ELK4: variants seen among roughly 807,000 people sequenced by gnomAD.
The protein encoded by ELK4 is ETS transcription factor ELK4, also known as ETS domain-containing protein Elk-4.
ELK4 carries 16 observed loss-of-function variants against 29.6 expected under a neutral mutation model. The ratio of observed to expected loss-of-function variants is 0.54; its 90% confidence interval spans 0.37 to 0.82. ELK4 has a LOEUF of 0.82. ELK4 is among the 40% of genes least tolerant of loss of function. The pLI, the probability that ELK4 is intolerant of heterozygous loss-of-function variation, is 0.00. For missense variants in ELK4, 465 were observed against 507.1 expected (o/e 0.92, Z 0.80); for synonymous variants, 213 against 191.1 (o/e 1.11, Z -0.95).
rs1192806101 is a variant in ELK4 at position 205,616,129 on chromosome 1, A to T, written c.*417T>A. On this transcript the variant is annotated 3_prime_UTR_variant, in exon 5 of 5. Coordinates refer to ENST00000357992, the MANE Select transcript of ELK4 (RefSeq NM_001973.4). ...CAATTCATTTCACAAATATTTCTTT[A>T]AATAATAGATTCTAAGCATAATTTT... The T allele has an allele frequency of 4.2e-6, 1 of 240,334 alleles. No individual in the cohort carries two copies. Among genetic ancestry groups the T allele is most frequent in the Non-Finnish European group, 8.3e-6 (1 of 121,124 alleles). 14.9% of individuals were successfully genotyped at this position (240,334 alleles called of 1,614,324 possible).
rs1295093450 is a variant in ELK4 at position 205,611,065 on chromosome 1, AAGCTTAGAGCC to A, written c.*5470_*5480del. 3 of 217,698 alleles carry A rather than the reference AAGCTTAGAGCC, an allele frequency of 1.4e-5. No homozygotes were observed. Among genetic ancestry groups the A allele is most frequent in the Non-Finnish European group, 2.8e-5 (3 of 108,324 alleles). 13.5% of individuals were successfully genotyped at this position (217,698 alleles called of 1,614,324 possible). A position where few individuals can be genotyped will look rare whatever the true frequency, so the allele number is the denominator to read the frequency against. On this transcript the variant is annotated 3_prime_UTR_variant, in exon 5 of 5. Coordinates refer to ENST00000357992, the MANE Select transcript of ELK4 (RefSeq NM_001973.4). ...GCATGAATTTCCTGTTTTCTGTAGA[AAGCTTAGAGCC>A]AGTATTTCCCCTCTCATACAAACCA... is the stretch of plus-strand genomic sequence containing the variant.
At position 205,623,710 on chromosome 1, in the gene ELK4, T is replaced by C; in HGVS notation, c.173A>G (p.Lys58Arg). 1 of 1,614,132 alleles carries C rather than the reference T, an allele frequency of 6.2e-7. No homozygotes were observed. Among genetic ancestry groups the C allele is most frequent in the Non-Finnish European group, 8.5e-7 (1 of 1,180,006 alleles). ...ATAGTATCTGAGGGCTCGGCTGAGT[T>C]TGTCATAATTCATGTTAGGCTTGTT... ...RKNKPNMNYD[K>R]LSRALRYYYV... The change falls in exon 2 of 5, where the codon AAA becomes AGA. Residue 58 changes from lysine to arginine, a missense_variant. Around this residue, in one of 2 missense-constraint regions of ELK4, gnomAD observed 385 missense variants for 387.5 expected, o/e 0.99. Coordinates refer to ENST00000357992, the MANE Select transcript of ELK4 (RefSeq NM_001973.4).
rs750794895 is a variant in ELK4 at position 205,619,068 on chromosome 1, G to A, written c.1086C>T (p.Pro362=). 7.6e-6 allele frequency: 12 copies of A among 1,584,844 alleles called. No individual in the cohort carries two copies. Among genetic ancestry groups the A allele is most frequent in the Admixed American group, 1.9e-5 (1 of 52,990 alleles). The change falls in exon 4 of 5, where the codon CCC becomes CCT. Residue 362 remains proline, a synonymous_variant. Transcript: ENST00000357992. ...GCAAGGGGCTTGGAGTCAGTATGAT[G>A]GGTGTCTGCAATACACAAAGCAAAA... is the stretch of plus-strand genomic sequence containing the variant. ...SLTPAFFSQT[P]IILTPSPLLS...
chr1:205,622,080 G>C (rs1385340703), intron 2 of ELK4, among the ~76,000 whole-genome samples: 2 of 151,984 alleles, frequency 1.3e-5, no homozygotes, highest in Non-Finnish European at 2.9e-5. Context: ...CAGGTGTGGT[G>C]GTGCATGTCT....
At chr1:205,617,988 A>T (rs1049457585) in intron 4 of ELK4, among the ~76,000 whole-genome samples, 3 of 120,764 alleles carry the variant, frequency 2.5e-5, no homozygotes, top group African/African-American at 6.0e-5. Context: ...TGTGTGTGAG[A>T]GAGAGAGAGA....
intron 1 of ELK4, among the ~76,000 whole-genome samples, chr1:205,631,197 T>C (rs910880704): frequency 6.6e-6 from 1 of 152,048 alleles, no homozygotes; most frequent in Non-Finnish European, 1.5e-5. Flanking sequence ...ACTAGCGAGC[T>C]AGGGGAGAGG....
Position 205,620,729 on chromosome 1 carries a change from TCA to T in ELK4, c.315_316del (p.Cys105Ter), listed in dbSNP as rs1227223028. 6.2e-7 allele frequency: 1 copy of T among 1,614,120 alleles called. No individual in the cohort carries two copies. The highest frequency in any genetic ancestry group is 1.1e-5 in the South Asian group (1 of 91,076). Reference sequence around the variant, plus strand: ...GCTGACTTCACTGAAGTTTAAACTTTCACAGTCACCCTCAATCCTGCCCACTG... The same window carrying T: ...GCTGACTTCACTGAAGTTTAAACTTTCAGTCACCCTCAATCCTGCCCACTG... On this transcript the variant is annotated stop_gained and frameshift_variant, in exon 3 of 5. Transcript: ENST00000357992. LOFTEE classifies it high-confidence loss of function.
rs538828632 is a variant in ELK4 at position 205,619,463 on chromosome 1, C to A, written c.1081-390G>T. 19 of 1,066,158 alleles carry A rather than the reference C, an allele frequency of 1.8e-5. No individual in the cohort carries two copies. In the South Asian group the frequency reaches 7.1e-4, roughly 40 times the overall value. 66.0% of individuals were successfully genotyped at this position (1,066,158 alleles called of 1,614,324 possible). ...AGAGGAATAATGGGTAACCAAGACACCAGCATGTTTGTTTTTTTTTAATAA... is the reference window on the plus strand; with the variant it reads ...AGAGGAATAATGGGTAACCAAGACAACAGCATGTTTGTTTTTTTTTAATAA... On this transcript the variant is annotated intron_variant, in intron 3 of 4. Coordinates refer to ENST00000357992, the MANE Select transcript of ELK4 (RefSeq NM_001973.4).
chr1:205,621,848 G>C (rs1043200522), intron 2 of ELK4, among the ~76,000 whole-genome samples: 1 of 151,622 alleles, frequency 6.6e-6, no homozygotes, highest in African/African-American at 2.4e-5. Flanking sequence ...CATAGTATCT[G>C]TTAAGGTTCT....
chr1:205,622,410 C>T (rs1397400027), intron 2 of ELK4, among the ~76,000 whole-genome samples: 1 of 152,102 alleles, frequency 6.6e-6, no homozygotes, highest in African/African-American at 2.4e-5. Context: ...ACATATATGA[C>T]TTTTCTCCCC....
At chr1:205,629,624 G>C (rs998640904) in intron 1 of ELK4, among the ~76,000 whole-genome samples, 2 of 152,128 alleles carry the variant, frequency 1.3e-5, no homozygotes, top group Non-Finnish European at 2.9e-5. Flanking sequence ...GGCTGAGGCA[G>C]AAGAATCATT....
chr1:205,620,520 C>A lies in ELK4; in HGVS notation c.526G>T (p.Ala176Ser), dbSNP rs765568892. The change falls in exon 3 of 5, where the codon GCA becomes TCA. Residue 176 changes from alanine (A) to serine (S), a missense_variant. Physicochemically the swap from Ala to Ser is moderately conservative, Grantham distance 99 (BLOSUM62 1). Coordinates refer to ENST00000357992, the MANE Select transcript of ELK4 (RefSeq NM_001973.4). ...GGCTCCTGAGGAGATTTTTTCTCTG[C>A]CAGTTTCTCGGCTGGATTCTCAGTC... ...IKTENPAEKLAEKKSPQEPTP... is the reference protein window; with the variant it reads ...IKTENPAEKLSEKKSPQEPTP... 4 of 1,613,914 alleles carry A rather than the reference C, an allele frequency of 2.5e-6. No individual in the cohort carries two copies. The highest frequency in any genetic ancestry group is 3.3e-5 in the Admixed American group (2 of 59,990).
In ELK4 at chr1:205,609,737, T is replaced by C. The variant is rs113061768; in HGVS notation, c.*6809A>G. 451 of 208,802 alleles carry C rather than the reference T, an allele frequency of 2.2e-3. 1 individual carries two copies. Among genetic ancestry groups the C allele is most frequent in the African/African-American group, 9.8e-3 (431 of 44,130 alleles). The allele number at this position is 208,802 out of a possible 1,614,324, so 12.9% of individuals were successfully genotyped here. A position where few individuals can be genotyped will look rare whatever the true frequency, so the allele number is the denominator to read the frequency against. ...AAAAGAAACTTAAAATTGGATACTT[T>C]ATAAATTTAAGTGTAATCTATCAAT... is the stretch of plus-strand genomic sequence containing the variant. On this transcript the variant is annotated 3_prime_UTR_variant, in exon 5 of 5. Transcript: ENST00000357992.
chr1:205,621,930 A>T (rs1670360301), intron 2 of ELK4, among the ~76,000 whole-genome samples: 1 of 150,804 alleles, frequency 6.6e-6, no homozygotes, highest in Non-Finnish European at 1.5e-5. Context: ...ATGGTGAAAG[A>T]GCCCTGCACA....
chr1:205,619,532 A>T (rs142151444), intron 3 of ELK4: 2 of 1,118,392 alleles, frequency 1.8e-6, no homozygotes, highest in South Asian at 8.1e-5. Flanking sequence ...TGAGATGAGC[A>T]AGTTAATAAA....
chr1:205,619,425 T>C lies in ELK4; in HGVS notation c.1081-352A>G, dbSNP rs1036519795. The C allele has an allele frequency of 3.8e-6, 4 of 1,057,170 alleles. No individual in the cohort carries two copies. In the African/African-American group the frequency reaches 6.6e-5, roughly 18 times the overall value. 65.5% of individuals were successfully genotyped at this position (1,057,170 alleles called of 1,614,324 possible). A position where few individuals can be genotyped will look rare whatever the true frequency, so the allele number is the denominator to read the frequency against. The stretch of plus-strand genomic sequence containing the variant: ...TCTTTTCCAAATAGAAAAACCAACC[T>C]GAATTCAGGTACAGAGGAATAATGG... On this transcript the variant is annotated intron_variant, in intron 3 of 4. Coordinates refer to ENST00000357992, the MANE Select transcript of ELK4 (RefSeq NM_001973.4).
Position 205,611,331 on chromosome 1 carries a change from G to C in ELK4, c.*5215C>G. On this transcript the variant is annotated 3_prime_UTR_variant, in exon 5 of 5. Coordinates refer to ENST00000357992, the MANE Select transcript of ELK4 (RefSeq NM_001973.4). Reference sequence around the variant, plus strand: ...TAGTAACAGGTTCCACCAAGTACAAGAAATAAAATCAAACCACCTTCTTTT... The same window carrying C: ...TAGTAACAGGTTCCACCAAGTACAACAAATAAAATCAAACCACCTTCTTTT... 4.7e-6 allele frequency: 1 copy of C among 210,694 alleles called. No individual in the cohort carries two copies. Among genetic ancestry groups the C allele is most frequent in the Non-Finnish European group, 9.6e-6 (1 of 103,884 alleles). The allele number at this position is 210,694 out of a possible 1,614,324, so 13.1% of individuals were successfully genotyped here.
rs1575120742 is a variant in ELK4, at chr1:205,616,203, T to C, written c.*343A>G. The C allele has an allele frequency of 2.6e-5, 7 of 266,290 alleles. No homozygotes were observed. In the East Asian group the frequency reaches 2.7e-4, roughly 10 times the overall value. 16.5% of individuals were successfully genotyped at this position (266,290 alleles called of 1,614,324 possible). On this transcript the variant is annotated 3_prime_UTR_variant, in exon 5 of 5. Transcript: ENST00000357992. ...CCAGAAGGAGTAACTTTGTTCTTAA[T>C]TGCTTTTGCAAAGCACAGTCACTAA...
intron 3 of ELK4, chr1:205,619,393 T>G (rs980951216): frequency 9.4e-7 from 1 of 1,061,302 alleles, no homozygotes; most frequent in African/African-American, 1.7e-5. Flanking sequence ...AGCCAACATT[T>G]ATAAAGTCTT....
Sources: allele counts gnomAD v4.1 joint callset (sites outside exome capture counted in the v4.1 genomes callset), GRCh38; gene constraint gnomAD v4.1.1; regional missense constraint gnomAD v4.1.1; transcripts MANE v1.5; gene names NCBI Gene and HGNC (gene_info 2026-07-23, HGNC 2026-07-21).